The following B4GALNT2 variants were observed in gnomAD, a reference collection of about 807,000 sequenced individuals.
B4GALNT2 encodes N-acetylneuraminylgalactosylglucosyl-glucoside beta-1,4-N- acetylgalactosaminyltransferase 2.
A neutral mutation model predicts 51.1 loss-of-function variants in B4GALNT2; 42 were observed. That is an observed-to-expected ratio of 0.82 (90% CI 0.64 to 1.06). B4GALNT2 has a LOEUF of 1.06. B4GALNT2 is among the 50% of genes least tolerant of loss of function. The pLI, the probability that B4GALNT2 is intolerant of heterozygous loss-of-function variation, is 0.00. For synonymous variants in B4GALNT2, 253 were observed against 251.7 expected, an observed-to-expected ratio of 1.01 and a Z score of -0.05; for missense variants, 602 against 633.6, an observed-to-expected ratio of 0.95 and a Z score of 0.54.
At chr17:49,155,899 G>T (rs949940910) in intron 4 of B4GALNT2, among the ~76,000 whole-genome samples, 3 of 151,126 alleles carry the variant, frequency 2.0e-5, no homozygotes, top group East Asian at 3.9e-4. Context: ...ATTTTTTTTT[G>T]TGTGTTTTTA....
chr17:49,160,533 A>C (rs777654820), intron 6 of B4GALNT2, 22 bp from the exon 7 acceptor site: 62 of 1,605,394 alleles, frequency 3.9e-5, no homozygotes, highest in Non-Finnish European at 5.3e-5. Context: ...TCCCTGTGCC[A>C]TTATCTTATT....
chr17:49,161,862 CA>C (rs1345704014), intron 7 of B4GALNT2, among the ~76,000 whole-genome samples: 1 of 149,852 alleles, frequency 6.7e-6, no homozygotes, highest in African/African-American at 2.5e-5. Flanking sequence ...GTCTCAAAAA[CA>C]AAAAAACAAA....
At position 49,170,433 on chromosome 17, in the gene B4GALNT2, C is replaced by T. The variant is rs1533920; in HGVS notation, c.*705C>T. ...ACAAAGGCTGCCCTGGCATCAGACTCACTCCAGACCTGTTCCAGAATGCCA... is the reference window on the plus strand; with the variant it reads ...ACAAAGGCTGCCCTGGCATCAGACTTACTCCAGACCTGTTCCAGAATGCCA... On this transcript the variant is annotated 3_prime_UTR_variant, in exon 11 of 11. Coordinates refer to ENST00000393354, the MANE Select transcript of B4GALNT2 (RefSeq NM_001159387.2). The T allele has an allele frequency of 0.11, 17,333 of 152,328 alleles. 1,176 individuals are homozygous for T. The highest frequency in any genetic ancestry group is 0.19 in the South Asian group (892 of 4,820). 9.4% of individuals were successfully genotyped at this position (152,328 alleles called of 1,614,324 possible). A position where few individuals can be genotyped will look rare whatever the true frequency, so the allele number is the denominator to read the frequency against.
chr17:49,133,555 CAAA>C (rs1389529127), intron 1 of B4GALNT2, among the ~76,000 whole-genome samples: 1 of 152,144 alleles, frequency 6.6e-6, no homozygotes, highest in Non-Finnish European at 1.5e-5. Flanking sequence ...TAAACATTGA[CAAA>C]GAAGTCATCT....
chr17:49,158,657 A>AT (rs1484872339), intron 5 of B4GALNT2, among the ~76,000 whole-genome samples: 5 of 148,858 alleles, frequency 3.4e-5, no homozygotes, highest in East Asian at 2.0e-4. Context: ...AAAAAAAAAA[A>AT]GGAATCCAGA....
chr17:49,158,546 G>A (rs2144323034), intron 5 of B4GALNT2, among the ~76,000 whole-genome samples: 1 of 147,156 alleles, frequency 6.8e-6, no homozygotes, highest in Admixed American at 7.1e-5. Flanking sequence ...GCTGAGGCAG[G>A]ATAATTGCTT....
rs1236267458 is a variant in B4GALNT2, at chr17:49,173,567, C to T, written c.*3839C>T. 1 of 152,204 alleles carries T rather than the reference C, an allele frequency of 6.6e-6. No homozygotes were observed. Among genetic ancestry groups the T allele is most frequent in the Non-Finnish European group, 1.5e-5 (1 of 68,040 alleles). The allele number at this position is 152,204 out of a possible 1,614,324, so 9.4% of individuals were successfully genotyped here. A position where few individuals can be genotyped will look rare whatever the true frequency, so the allele number is the denominator to read the frequency against. Reference sequence around the variant, plus strand: ...TGATTATCAAGAATACCCACAAAGTCAGCTAAATGGGTTTGCCAGGTAAGA... The same window carrying T: ...TGATTATCAAGAATACCCACAAAGTTAGCTAAATGGGTTTGCCAGGTAAGA... On this transcript the variant is annotated 3_prime_UTR_variant, in exon 11 of 11. Coordinates refer to ENST00000393354, the MANE Select transcript of B4GALNT2 (RefSeq NM_001159387.2).
At chr17:49,128,746 T>G (rs2042523168), upstream of B4GALNT2, among the ~76,000 whole-genome samples, 1 of 152,128 alleles carries the variant, frequency 6.6e-6, no homozygotes, top group African/African-American at 2.4e-5. Flanking sequence ...CATGTTGCAA[T>G]AAAAATCTGA....
At chr17:49,153,152 T>A (rs1323716996) in intron 4 of B4GALNT2, among the ~76,000 whole-genome samples, 1 of 151,932 alleles carries the variant, frequency 6.6e-6, no homozygotes, top group Non-Finnish European at 1.5e-5. Flanking sequence ...TGCTCACGCC[T>A]GCCTATAATC....
chr17:49,121,149 C>T, the B4GALNT2 span, among the ~76,000 whole-genome samples: 1 of 152,164 alleles, frequency 6.6e-6, no homozygotes, highest in Non-Finnish European at 1.5e-5. Flanking sequence ...ACACTCCCAG[C>T]ACTCATGGGA....
intron 2 of B4GALNT2, 29 bp from the exon 3 acceptor site, chr17:49,142,006 C>T: frequency 1.2e-6 from 2 of 1,613,140 alleles, no homozygotes; most frequent in Non-Finnish European, 8.5e-7. Context: ...CCACCCAATC[C>T]ATGTTTACAG....
intron 8 of B4GALNT2, 68 bp downstream of exon 8, chr17:49,164,343 C>T: frequency 5.5e-6 from 8 of 1,441,700 alleles, no homozygotes; most frequent in Non-Finnish European, 7.7e-6. Context: ...CAGGTTCTAC[C>T]CTGGATGGGG....
chr17:49,133,036 C>G (rs762073930), intron 1 of B4GALNT2: 1 of 1,494,284 alleles, frequency 6.7e-7, no homozygotes, highest in Admixed American at 2.8e-5. Context: ...ATGGGGAGCG[C>G]TGGCTTTTCC....
intron 8 of B4GALNT2, 32 bp downstream of exon 8, chr17:49,164,307 A>G: frequency 1.3e-6 from 2 of 1,579,022 alleles, no homozygotes; most frequent in Non-Finnish European, 1.7e-6. Context: ...TGGCACCTGC[A>G]TTCCAGGACA....
chr17:49,162,912 C>CAAAAAAAA (rs34568226), intron 7 of B4GALNT2, among the ~76,000 whole-genome samples: 2 of 53,632 alleles, frequency 3.7e-5, no homozygotes, highest in Non-Finnish European at 6.2e-5. Context: ...GAAACTGTCT[C>CAAAAAAAA]AAAAAAAAAA....
intron 4 of B4GALNT2, among the ~76,000 whole-genome samples, chr17:49,155,297 CAAAAAAAAAAAA>C (rs34869721): frequency 1.8e-5 from 1 of 54,170 alleles, no homozygotes; most frequent in South Asian, 6.9e-4. Flanking sequence ...GATTCAGTCT[CAAAAAAAAAAAA>C]AAAAAAAAAA....
At chr17:49,125,141 T>A in the B4GALNT2 span, among the ~76,000 whole-genome samples, 3 of 152,018 alleles carry the variant, frequency 2.0e-5, no homozygotes, top group African/African-American at 7.2e-5. Context: ...TGTTGGTGAG[T>A]TTGGGATTTT....
Position 49,152,789 on chromosome 17 carries a change from C to A in B4GALNT2, c.354-11C>A. ...GGGCAGCTGCTGACGTTTCTGTTCTCCTTCCTGCAGAGAAGGGCTGCCCCG... is the reference window on the plus strand; with the variant it reads ...GGGCAGCTGCTGACGTTTCTGTTCTACTTCCTGCAGAGAAGGGCTGCCCCG... On this transcript the variant is annotated splice_polypyrimidine_tract_variant and intron_variant, in intron 3 of 10. Coordinates refer to ENST00000393354, the MANE Select transcript of B4GALNT2 (RefSeq NM_001159387.2). 6.4e-7 allele frequency: 1 copy of A among 1,570,356 alleles called. No homozygotes were observed. Among genetic ancestry groups the A allele is most frequent in the Non-Finnish European group, 8.6e-7 (1 of 1,156,258 alleles).
chr17:49,133,884 C>T (rs2042564742), intron 1 of B4GALNT2, among the ~76,000 whole-genome samples: 1 of 152,162 alleles, frequency 6.6e-6, no homozygotes, highest in Non-Finnish European at 1.5e-5. Context: ...TGCACTCCAG[C>T]CTGGGCGACA....
Sources: gnomAD v4.1 joint callset for allele counts (sites outside exome capture counted in the v4.1 genomes callset) on GRCh38, gnomAD v4.1.1 for gene constraint, MANE v1.5 for transcripts, NCBI Gene and HGNC (gene_info 2026-07-23, HGNC 2026-07-21) for gene names.